The following JAZF1 variants were observed in gnomAD, a reference collection of about 807,000 sequenced individuals.
JAZF1 encodes the protein juxtaposed with another zinc finger protein 1.
A neutral mutation model predicts 26.4 loss-of-function variants in JAZF1; 8 were observed. The ratio of observed to expected loss-of-function variants is 0.30; its 90% CI spans 0.18 to 0.55. The LOEUF (loss-of-function observed/expected upper bound fraction) is 0.55. JAZF1 is among the 20% of genes least tolerant of loss of function. JAZF1 has a pLI of 0.94. For synonymous variants in JAZF1, 126 were observed against 122.3 expected (o/e 1.03, Z -0.20); for missense variants, 199 against 322.0 (o/e 0.62, Z 2.92).
chr7:27,841,132 C>T (rs948309873), intron 3 of JAZF1: 41 of 386,680 alleles, frequency 1.1e-4, no homozygotes, highest in Non-Finnish European at 1.7e-4. Context: ...AACATTAACT[C>T]GGTTCTATGG....
chr7:28,133,986 G>A (rs1474549921), intron 1 of JAZF1, among the ~76,000 whole-genome samples: 1 of 152,086 alleles, frequency 6.6e-6, no homozygotes, highest in East Asian at 1.9e-4. Flanking sequence ...AGGCCTATAA[G>A]AAACATTATC....
intron 2 of JAZF1, among the ~76,000 whole-genome samples, chr7:27,950,038 G>T (rs1021361170): frequency 6.6e-6 from 1 of 152,132 alleles, no homozygotes; most frequent in Non-Finnish European, 1.5e-5. Flanking sequence ...CGATACTTTT[G>T]ATACAATCTC....
At chr7:28,109,354 T>C (rs1784602944) in intron 1 of JAZF1, among the ~76,000 whole-genome samples, 3 of 152,190 alleles carry the variant, frequency 2.0e-5, no homozygotes, top group Admixed American at 2.0e-4. Context: ...TCATCAGTGA[T>C]ACCTCAATAA....
intron 1 of JAZF1, among the ~76,000 whole-genome samples, chr7:28,055,838 T>C (rs562850888): frequency 5.3e-5 from 8 of 152,186 alleles, no homozygotes; most frequent in Non-Finnish European, 1.0e-4. Context: ...ACCAAAGCAA[T>C]ACGTATAATA....
rs80303083 is a variant in JAZF1, at chr7:28,044,550, C to T, written c.116-52569G>A. Among the ~76,000 whole-genome samples, 794 of 152,212 alleles carry T rather than the reference C, an allele frequency of 5.2e-3. 4 individuals are homozygous for T. The highest frequency in any genetic ancestry group is 0.014 in the Middle Eastern group (4 of 294). On this transcript the variant is annotated intron_variant, in intron 1 of 4. Coordinates refer to ENST00000283928, the MANE Select transcript of JAZF1 (RefSeq NM_175061.4). ...ATATGCCAAAAATTTTAAGAGTCTGCCCACCTTCTTTGAAAGTTCAGCAAG... is the reference window on the plus strand; with the variant it reads ...ATATGCCAAAAATTTTAAGAGTCTGTCCACCTTCTTTGAAAGTTCAGCAAG...
intron 3 of JAZF1, among the ~76,000 whole-genome samples, chr7:27,861,280 C>T (rs1783374466): frequency 6.6e-6 from 1 of 152,108 alleles, no homozygotes; most frequent in Non-Finnish European, 1.5e-5. Context: ...GAAACTCACG[C>T]CCTTCAGTTC....
chr7:27,935,688 G>A (rs1784755079), intron 2 of JAZF1, among the ~76,000 whole-genome samples: 1 of 152,178 alleles, frequency 6.6e-6, no homozygotes, highest in African/African-American at 2.4e-5. Flanking sequence ...GAAATGTATG[G>A]TATGTGAATT....
chr7:27,880,436 C>G (rs1049202674), intron 3 of JAZF1, among the ~76,000 whole-genome samples: 4 of 152,088 alleles, frequency 2.6e-5, no homozygotes, highest in Admixed American at 6.5e-5. Context: ...AGTTTGAGAC[C>G]AGTCTGGCCA....
chr7:28,020,715 G>T lies in JAZF1; in HGVS notation c.116-28734C>A, dbSNP rs1338188305. On this transcript the variant is annotated intron_variant, in intron 1 of 4. Transcript: ENST00000283928. Reference sequence around the variant, plus strand: ...GCTGATGAATGTGACACTGGCATTTGTCCCTCCCAACTGCATCCATGCTAG... The same window carrying T: ...GCTGATGAATGTGACACTGGCATTTTTCCCTCCCAACTGCATCCATGCTAG... The T allele has an allele frequency of 6.4e-6, 3 of 471,088 alleles. No homozygotes were observed. The Admixed American group carries it at 7.0e-5, about 11-fold the overall frequency. The allele number at this position is 471,088 out of a possible 1,614,324, so 29.2% of individuals were successfully genotyped here. A position where few individuals can be genotyped will look rare whatever the true frequency, so the allele number is the denominator to read the frequency against.
At position 27,830,608 on chromosome 7, in the gene JAZF1, T is replaced by G. The variant is rs1782668024; in HGVS notation, c.*2192A>C. 5.5e-6 allele frequency: 1 copy of G among 180,580 alleles called. No individual in the cohort carries two copies. The highest frequency in any genetic ancestry group is 9.2e-5 in the East Asian group (1 of 10,924). The allele number at this position is 180,580 out of a possible 1,614,324, so 11.2% of individuals were successfully genotyped here. A position where few individuals can be genotyped will look rare whatever the true frequency, so the allele number is the denominator to read the frequency against. ...GGTCAGAGGCAGTTTATTTTAAATG[T>G]GATTTCATTTACATTTATAAGCAGC... On this transcript the variant is annotated 3_prime_UTR_variant, in exon 5 of 5. Transcript: ENST00000283928.
chr7:28,001,128 C>T (rs1241335074), intron 1 of JAZF1, among the ~76,000 whole-genome samples: 1 of 151,722 alleles, frequency 6.6e-6, no homozygotes, highest in Non-Finnish European at 1.5e-5. Flanking sequence ...CCAAGGCAGG[C>T]AAATCACTTG....
At chr7:27,972,731 T>C (rs1480956291) in intron 2 of JAZF1, among the ~76,000 whole-genome samples, 1 of 152,094 alleles carries the variant, frequency 6.6e-6, no homozygotes, top group South Asian at 2.1e-4. Flanking sequence ...TCATTATATA[T>C]CCGTATCATA....
At chr7:27,963,227 C>T (rs1244931795) in intron 2 of JAZF1, among the ~76,000 whole-genome samples, 4 of 152,160 alleles carry the variant, frequency 2.6e-5, no homozygotes, top group Non-Finnish European at 4.4e-5. Context: ...CTATTTAAGT[C>T]AAGGACAATT....
intron 3 of JAZF1, among the ~76,000 whole-genome samples, chr7:27,857,541 T>C (rs1783292710): frequency 6.6e-6 from 1 of 152,248 alleles, no homozygotes; most frequent in South Asian, 2.1e-4. Flanking sequence ...GAGCTAGGGC[T>C]GCGAGGGCTG....
intron 2 of JAZF1, among the ~76,000 whole-genome samples, chr7:27,920,152 C>T (rs775836818): frequency 1.3e-5 from 2 of 152,148 alleles, no homozygotes; most frequent in African/African-American, 4.8e-5. Context: ...GAGTCCTTAG[C>T]GTTCCTTAAA....
rs55737757 is a variant in JAZF1 at position 27,979,366 on chromosome 7, ATTTTTTTTTTTTTTTTTTTTTTTTTTTTT to A, written c.188+12514_188+12542del. Among the ~76,000 whole-genome samples, 69 of 58,440 alleles carry A rather than the reference ATTTTTTTTTTTTTTTTTTTTTTTTTTTTT, an allele frequency of 1.2e-3. 1 individual carries two copies. Among genetic ancestry groups the A allele is most frequent in the African/African-American group, 4.4e-3 (67 of 15,068 alleles). The allele number at this position is 58,440 out of a possible 152,430, so 38.3% of individuals were successfully genotyped here. A position where few individuals can be genotyped will look rare whatever the true frequency, so the allele number is the denominator to read the frequency against. The stretch of plus-strand genomic sequence containing the variant: ...TAACAGGCGTGGCCAGGTACACTAC[ATTTTTTTTTTTTTTTTTTTTTTTTTTTTT>A]TTTTTTTTTTAGAAACAGAGTCTTG... On this transcript the variant is annotated intron_variant, in intron 2 of 4. Coordinates refer to ENST00000283928, the MANE Select transcript of JAZF1 (RefSeq NM_175061.4).
intron 1 of JAZF1, among the ~76,000 whole-genome samples, chr7:28,065,845 C>T (rs935899861): frequency 1.3e-5 from 2 of 152,080 alleles, no homozygotes; most frequent in Admixed American, 6.5e-5. Flanking sequence ...GATTACAGCC[C>T]GGGGCTATTT....
At chr7:28,055,467 A>G (rs1316703484) in intron 1 of JAZF1, among the ~76,000 whole-genome samples, 1 of 152,030 alleles carries the variant, frequency 6.6e-6, no homozygotes, top group Non-Finnish European at 1.5e-5. Context: ...GGTGCGTGTG[A>G]TTTCCTCTCC....
chr7:28,000,625 T>TCTTTC (rs200472809), intron 1 of JAZF1, among the ~76,000 whole-genome samples: 4 of 142,042 alleles, frequency 2.8e-5, no homozygotes, highest in African/African-American at 7.8e-5. Flanking sequence ...TTTCTTTCTT[T>TCTTTC]TTTTTTTTTT....
Sources: allele counts gnomAD v4.1 joint callset (sites outside exome capture counted in the v4.1 genomes callset), GRCh38; gene constraint gnomAD v4.1.1; transcripts MANE v1.5; gene names NCBI Gene and HGNC (gene_info 2026-07-23, HGNC 2026-07-21).